The following MAPRE2 variants were observed in gnomAD, a reference collection of about 807,000 sequenced individuals.
MAPRE2 encodes the protein microtubule associated protein RP/EB family member 2, also known as microtubule-associated protein RP/EB family member 2.
In MAPRE2, 13 loss-of-function variants were observed where a neutral mutation model predicts 43.2. That is an observed-to-expected ratio of 0.30 (90% CI 0.20 to 0.48). The LOEUF is 0.48. Among genes scored for constraint, MAPRE2 ranks in the 20% least tolerant of loss-of-function variants. MAPRE2 has a pLI of 0.99. For missense variants in MAPRE2, 161 were observed against 400.2 expected (o/e 0.40, Z 5.10); for synonymous variants, 135 against 148.8 (o/e 0.91, Z 0.68).
chr18:35,041,439 A>G lies in MAPRE2; in HGVS notation c.-101A>G, dbSNP rs986266588. ...AGAAGGCAGTGAGCGAGCAGGCGGC[A>G]GGCACGGTCCGTGCGGAGCAGGCGA... On this transcript the variant is annotated 5_prime_UTR_variant, in exon 1 of 7. Coordinates refer to ENST00000300249, the MANE Select transcript of MAPRE2 (RefSeq NM_014268.4). 6 of 1,585,634 alleles carry G rather than the reference A, an allele frequency of 3.8e-6. No individual in the cohort carries two copies. The highest frequency in any genetic ancestry group is 2.3e-5 in the East Asian group (1 of 44,358).
intron 4 of MAPRE2, among the ~76,000 whole-genome samples, chr18:35,106,262 AT>A (rs142893087): frequency 1.6e-4 from 24 of 151,670 alleles, no homozygotes; most frequent in African/African-American, 5.3e-4. Flanking sequence ...ATAGTCCTTA[AT>A]TTTTTTTTAT....
chr18:35,125,173 A>T (rs1232313174), intron 4 of MAPRE2, among the ~76,000 whole-genome samples: 1 of 152,184 alleles, frequency 6.6e-6, no homozygotes, highest in African/African-American at 2.4e-5. Flanking sequence ...CAGTGCTTCT[A>T]GGGGGTGTGA....
At chr18:35,089,242 G>T (rs1196372930) in intron 2 of MAPRE2, among the ~76,000 whole-genome samples, 1 of 152,152 alleles carries the variant, frequency 6.6e-6, no homozygotes, top group Non-Finnish European at 1.5e-5. Flanking sequence ...CATGACCTTG[G>T]ATTATGCAGT....
At chr18:35,115,486 A>G (rs139475649) in intron 4 of MAPRE2, among the ~76,000 whole-genome samples, 4 of 152,264 alleles carry the variant, frequency 2.6e-5, no homozygotes, top group African/African-American at 9.6e-5. Flanking sequence ...TATACACTGT[A>G]CCCAATATGT....
chr18:35,033,099 T>C (rs1008862887), intron 2 of MAPRE2, among the ~76,000 whole-genome samples: 2 of 152,142 alleles, frequency 1.3e-5, no homozygotes, highest in African/African-American at 4.8e-5. Context: ...TGAACATTGA[T>C]GCAAAAATCC....
chr18:35,050,072 T>C (rs1025756396), intron 1 of MAPRE2, among the ~76,000 whole-genome samples: 5 of 152,188 alleles, frequency 3.3e-5, no homozygotes, highest in Admixed American at 1.3e-4. Flanking sequence ...ATTCATACTT[T>C]ATTCATAGAG....
intron 2 of MAPRE2, among the ~76,000 whole-genome samples, chr18:35,006,823 C>A (rs2097032092): frequency 6.6e-6 from 1 of 152,114 alleles, no homozygotes; most frequent in Non-Finnish European, 1.5e-5. Flanking sequence ...ACTAGCTGGG[C>A]ATTGTGGTGC....
intron 2 of MAPRE2, among the ~76,000 whole-genome samples, chr18:35,029,096 T>C (rs1411292841): frequency 1.3e-5 from 2 of 152,256 alleles, no homozygotes; most frequent in East Asian, 1.9e-4. Flanking sequence ...AATAGGAAGA[T>C]GCTTGGTGTC....
intron 1 of MAPRE2, among the ~76,000 whole-genome samples, chr18:35,002,923 C>G (rs1239305225): frequency 6.6e-6 from 1 of 152,128 alleles, no homozygotes; most frequent in African/African-American, 2.4e-5. Context: ...CCAATTTTTC[C>G]TCTTCCAGAT....
At chr18:35,117,821 C>G (rs1410558873) in intron 4 of MAPRE2, among the ~76,000 whole-genome samples, 1 of 151,926 alleles carries the variant, frequency 6.6e-6, no homozygotes, top group Non-Finnish European at 1.5e-5. Context: ...AATATTTTAC[C>G]AAGATGCGAG....
chr18:35,097,214 A>ATTCTGATG (rs1908466934), intron 2 of MAPRE2, among the ~76,000 whole-genome samples: 1 of 152,320 alleles, frequency 6.6e-6, no homozygotes, highest in South Asian at 2.1e-4. Flanking sequence ...GGAGTACAAT[A>ATTCTGATG]CACGGAGTTT....
At chr18:35,136,182 C>T (rs1243347412) in intron 6 of MAPRE2, among the ~76,000 whole-genome samples, 1 of 152,182 alleles carries the variant, frequency 6.6e-6, no homozygotes, top group African/African-American at 2.4e-5. Context: ...TACTTATTCT[C>T]ATTATGTTTT....
chr18:35,101,348 A>G (rs532110710), intron 3 of MAPRE2, among the ~76,000 whole-genome samples: 11 of 152,320 alleles, frequency 7.2e-5, no homozygotes, highest in South Asian at 2.1e-4. Flanking sequence ...AAAGAAGCAC[A>G]TCGTGGAGAA....
intron 4 of MAPRE2, among the ~76,000 whole-genome samples, chr18:35,122,315 T>G (rs1320453353): frequency 1.3e-5 from 2 of 152,210 alleles, no homozygotes; most frequent in East Asian, 3.8e-4. Context: ...CTGTTAATTA[T>G]GGGGTTTTTT....
chr18:35,096,652 C>T (rs1167844456), intron 2 of MAPRE2, among the ~76,000 whole-genome samples: 1 of 152,054 alleles, frequency 6.6e-6, no homozygotes, highest in Non-Finnish European at 1.5e-5. Context: ...ATGGAAACCC[C>T]ATTGCTCTGG....
At chr18:35,077,252 CACACACACACACACACACAT>C (rs1396799608) in intron 2 of MAPRE2, among the ~76,000 whole-genome samples, 1,352 of 93,016 alleles carry the variant, frequency 0.015, 21 homozygotes, top group African/African-American at 0.11. Context: ...CGCGCGCGCA[CACACACACACACACACACAT>C]ACACACACAC....
At chr18:35,064,310 T>C (rs2150617959) in intron 1 of MAPRE2, among the ~76,000 whole-genome samples, 1 of 152,132 alleles carries the variant, frequency 6.6e-6, no homozygotes, top group Non-Finnish European at 1.5e-5. Flanking sequence ...TCATGAAACC[T>C]GCTGGAAAAA....
intron 4 of MAPRE2, among the ~76,000 whole-genome samples, chr18:35,126,506 T>C (rs1470065251): frequency 1.3e-5 from 2 of 152,216 alleles, no homozygotes; most frequent in African/African-American, 4.8e-5. Context: ...GGAAATGTTT[T>C]AAAAGAGAAA....
At position 35,140,768 on chromosome 18, in the gene MAPRE2, G is replaced by A. The variant is rs1334718476; in HGVS notation, c.*399G>A. 5.7e-6 allele frequency: 1 copy of A among 175,512 alleles called. No homozygotes were observed. Among genetic ancestry groups the A allele is most frequent in the African/African-American group, 2.3e-5 (1 of 42,596 alleles). The allele number at this position is 175,512 out of a possible 1,614,324, so 10.9% of individuals were successfully genotyped here. On this transcript the variant is annotated 3_prime_UTR_variant, in exon 7 of 7. Transcript: ENST00000300249. ...ATTTATATTGGCATTTTTCAACCCAGTGTCACTAGATGTCACACACATTTG... is the reference window on the plus strand; with the variant it reads ...ATTTATATTGGCATTTTTCAACCCAATGTCACTAGATGTCACACACATTTG...
Sources: allele counts gnomAD v4.1 joint callset (sites outside exome capture counted in the v4.1 genomes callset), GRCh38; gene constraint gnomAD v4.1.1; transcripts MANE v1.5; gene names NCBI Gene and HGNC (gene_info 2026-07-23, HGNC 2026-07-21).